The following CDK14 variants were observed in gnomAD, a reference collection of about 807,000 sequenced individuals.
CDK14 encodes the protein cyclin dependent kinase 14.
Under a neutral mutation model 60.7 loss-of-function variants are expected in CDK14, and 34 were observed. That is an observed-to-expected ratio of 0.56 (90% CI 0.43 to 0.75). The LOEUF is 0.75. CDK14 is among the 30% of genes least tolerant of loss of function. The pLI is 0.00. For missense variants in CDK14, 482 were observed against 564.1 expected (o/e 0.85, Z 1.47); for synonymous variants, 197 against 203.7 (o/e 0.97, Z 0.28).
chr7:91,166,756 T>G (rs1801358662), intron 14 of CDK14, among the ~76,000 whole-genome samples: 1 of 152,234 alleles, frequency 6.6e-6, no homozygotes, highest in Non-Finnish European at 1.5e-5. Flanking sequence ...ACAGTTCTTC[T>G]GACTAGTCCC....
chr7:90,967,195 GAAGGAAGA>G (rs1187904765), intron 9 of CDK14, among the ~76,000 whole-genome samples: 1 of 150,404 alleles, frequency 6.6e-6, no homozygotes, highest in East Asian at 2.0e-4. Context: ...AGGAAGGAAG[GAAGGAAGA>G]AAGGAAGGAA....
chr7:90,984,819 A>G (rs1795330275), intron 10 of CDK14, among the ~76,000 whole-genome samples: 1 of 152,180 alleles, frequency 6.6e-6, no homozygotes, highest in South Asian at 2.1e-4. Context: ...TAAATCACAA[A>G]AAATATATCA....
intron 2 of CDK14, among the ~76,000 whole-genome samples, chr7:90,677,354 A>G (rs1196075120): frequency 6.6e-6 from 1 of 152,190 alleles, no homozygotes; most frequent in Non-Finnish European, 1.5e-5. Flanking sequence ...GCTACTTGTA[A>G]TAGTTTCATA....
At chr7:90,827,133 G>A (rs763066754) in intron 5 of CDK14, among the ~76,000 whole-genome samples, 7 of 139,720 alleles carry the variant, frequency 5.0e-5, no homozygotes, top group South Asian at 2.5e-4. Flanking sequence ...TCCCAATCCC[G>A]TCAACCACTC....
intron 2 of CDK14, chr7:90,632,231 A>G (rs1800018639): frequency 4.8e-6 from 1 of 207,880 alleles, no homozygotes; most frequent in Non-Finnish European, 1.0e-5. Context: ...CATACTGATG[A>G]AGATGAGAAG....
intron 7 of CDK14, among the ~76,000 whole-genome samples, chr7:90,902,697 A>G (rs1792552429): frequency 6.6e-6 from 1 of 152,178 alleles, no homozygotes; most frequent in South Asian, 2.1e-4. Flanking sequence ...GGTCTAGGAA[A>G]AGATTCTATG....
intron 14 of CDK14, among the ~76,000 whole-genome samples, chr7:91,201,731 A>G (rs1802735587): frequency 6.6e-6 from 1 of 152,168 alleles, no homozygotes; most frequent in Non-Finnish European, 1.5e-5. Flanking sequence ...TAACAGGAGC[A>G]CAGAGGGAAT....
intron 1 of CDK14, among the ~76,000 whole-genome samples, chr7:90,598,094 C>G (rs991753583): frequency 6.6e-6 from 1 of 152,180 alleles, no homozygotes; most frequent in South Asian, 2.1e-4. Context: ...AACCCTGACC[C>G]AAACCGTCGC....
rs1004308929 is a variant in CDK14, at chr7:90,803,650, T to A, written c.544+12998T>A. ...TAGTGAGTTTGAAATCTGGCATTCA[T>A]GTGGCAGTTGTGTGACATGGTGGTG... On this transcript the variant is annotated intron_variant, in intron 5 of 14. Transcript: ENST00000380050. Among the ~76,000 whole-genome samples the A allele has an allele frequency of 5.3e-5, 8 of 152,196 alleles. No homozygotes were observed. In the South Asian group the frequency reaches 1.0e-3, roughly 20 times the overall value.
chr7:91,173,229 A>G (rs1801584856), intron 14 of CDK14, among the ~76,000 whole-genome samples: 1 of 152,156 alleles, frequency 6.6e-6, no homozygotes, highest in African/African-American at 2.4e-5. Flanking sequence ...CTGTTCTTCC[A>G]GGGATGCATC....
chr7:90,676,259 T>C (rs184868464), intron 2 of CDK14, among the ~76,000 whole-genome samples: 43 of 152,202 alleles, frequency 2.8e-4, no homozygotes, highest in Admixed American at 2.5e-3. Context: ...ATAGGAGGTA[T>C]TGAGGGAGGC....
At chr7:90,658,532 A>G (rs536579745) in intron 2 of CDK14, among the ~76,000 whole-genome samples, 2 of 152,348 alleles carry the variant, frequency 1.3e-5, no homozygotes, top group East Asian at 3.9e-4. Context: ...AGCGAGGAGC[A>G]TAAATGTTCA....
At chr7:90,921,901 A>C (rs751867522) in intron 8 of CDK14, among the ~76,000 whole-genome samples, 1 of 152,178 alleles carries the variant, frequency 6.6e-6, no homozygotes, top group Non-Finnish European at 1.5e-5. Context: ...ATTGTAAATC[A>C]TGTTTTAGAT....
intron 14 of CDK14, among the ~76,000 whole-genome samples, chr7:91,204,196 T>G (rs1484345510): frequency 6.6e-6 from 1 of 152,056 alleles, no homozygotes; most frequent in Non-Finnish European, 1.5e-5. Flanking sequence ...CCTGGAAACT[T>G]AAGGCTTTTG....
intron 4 of CDK14, among the ~76,000 whole-genome samples, chr7:90,769,145 G>A (rs1268730595): frequency 2.0e-5 from 3 of 152,192 alleles, no homozygotes; most frequent in South Asian, 4.2e-4. Context: ...TATTATACAA[G>A]CCAAAGTCCT....
chr7:91,202,540 C>CCT (rs1178683212), intron 14 of CDK14, among the ~76,000 whole-genome samples: 1 of 151,988 alleles, frequency 6.6e-6, no homozygotes, highest in Non-Finnish European at 1.5e-5. Flanking sequence ...TGTAGTATAC[C>CCT]CTCTCTCCTT....
chr7:90,986,869 A>G (rs1384362034), intron 10 of CDK14, among the ~76,000 whole-genome samples: 4 of 151,984 alleles, frequency 2.6e-5, no homozygotes, highest in Non-Finnish European at 5.9e-5. Flanking sequence ...ACAATAATGT[A>G]ACTTGTCAAA....
intron 10 of CDK14, among the ~76,000 whole-genome samples, chr7:91,029,859 A>C (rs938830923): frequency 2.0e-5 from 3 of 152,200 alleles, no homozygotes; most frequent in Non-Finnish European, 4.4e-5. Context: ...CATTGACAAA[A>C]AAACATAGTT....
At chr7:90,917,833 G>C in intron 8 of CDK14, 109 bp downstream of exon 8, 2 of 1,072,822 alleles carry the variant, frequency 1.9e-6, no homozygotes, top group East Asian at 2.8e-5. Flanking sequence ...ATAGATCCTG[G>C]TAATTTTTTT....
Sources: allele counts gnomAD v4.1 joint callset (sites outside exome capture counted in the v4.1 genomes callset), GRCh38; gene constraint gnomAD v4.1.1; transcripts MANE v1.5; gene names NCBI Gene and HGNC (gene_info 2026-07-23, HGNC 2026-07-21).